FBXL4: variants seen among roughly 807,000 people sequenced by gnomAD.
FBXL4 encodes the protein F-box/LRR-repeat protein 4.
A neutral mutation model predicts 58.9 loss-of-function variants in FBXL4; 40 were observed. The ratio of observed to expected loss-of-function variants is 0.68; its 90% confidence interval spans 0.53 to 0.88. The LOEUF (loss-of-function observed/expected upper bound fraction) is 0.88. FBXL4 is among the 40% of genes least tolerant of loss of function. FBXL4 has a pLI of 0.00. For synonymous variants in FBXL4, 263 were observed against 265.5 expected (o/e 0.99, Z 0.09); for missense variants, 676 against 734.4 (o/e 0.92, Z 0.92).
At chr6:98,898,908 T>C in intron 7 of FBXL4, 3 of 985,414 alleles carry the variant, frequency 3.0e-6, no homozygotes, top group Non-Finnish European at 3.6e-6. Context: ...AATATCACTT[T>C]GCTTCCTCCC....
intron 7 of FBXL4, chr6:98,898,843 G>A (rs916052325): frequency 2.0e-6 from 2 of 985,204 alleles, no homozygotes; most frequent in South Asian, 9.4e-5. Flanking sequence ...CTTTTTAAAT[G>A]AGACTCATTA....
intron 2 of FBXL4, among the ~76,000 whole-genome samples, chr6:98,933,397 T>C (rs1341370576): frequency 6.6e-6 from 1 of 152,132 alleles, no homozygotes; most frequent in Non-Finnish European, 1.5e-5. Context: ...CCCTTCCCTT[T>C]CATGTCCACA....
chr6:98,945,438 TA>T (rs2128414903), intron 1 of FBXL4, among the ~76,000 whole-genome samples: 1 of 152,320 alleles, frequency 6.6e-6, no homozygotes, highest in East Asian at 1.9e-4. Flanking sequence ...TAGACTTAAA[TA>T]TATTTATTTT....
chr6:98,901,478 G>A (rs899211878), intron 6 of FBXL4, among the ~76,000 whole-genome samples: 3 of 152,212 alleles, frequency 2.0e-5, no homozygotes, highest in South Asian at 4.1e-4. Context: ...ACTGTTAGGA[G>A]ACAATAGGAA....
chr6:98,878,071 T>C (rs1425312813), intron 8 of FBXL4, among the ~76,000 whole-genome samples: 1 of 152,184 alleles, frequency 6.6e-6, no homozygotes, highest in Non-Finnish European at 1.5e-5. Flanking sequence ...ACACAACTAA[T>C]TTAGTATCTA....
chr6:98,899,916 G>A (rs917171747), intron 6 of FBXL4, among the ~76,000 whole-genome samples: 30 of 152,182 alleles, frequency 2.0e-4, no homozygotes, highest in African/African-American at 7.2e-4. Context: ...GCACACGAAA[G>A]TAACAACTTA....
chr6:98,918,301 G>T (rs899574463), intron 4 of FBXL4, among the ~76,000 whole-genome samples: 1 of 151,878 alleles, frequency 6.6e-6, no homozygotes, highest in Non-Finnish European at 1.5e-5. Context: ...TATATCCTTA[G>T]TATCTAGCAA....
chr6:98,895,787 T>C (rs1771388530), intron 7 of FBXL4, among the ~76,000 whole-genome samples: 1 of 152,198 alleles, frequency 6.6e-6, no homozygotes, highest in Admixed American at 6.5e-5. Context: ...TCAAAAGCTT[T>C]ATGCATTATG....
chr6:98,912,466 A>G (rs1772129597), intron 5 of FBXL4, among the ~76,000 whole-genome samples: 1 of 152,220 alleles, frequency 6.6e-6, no homozygotes, highest in African/African-American at 2.4e-5. Context: ...CATCAGACTA[A>G]CTGCTGACCT....
In FBXL4 at chr6:98,905,346, T is replaced by G. The variant is rs1021827724; in HGVS notation, c.1103+80A>C. The G allele has an allele frequency of 1.1e-5, 16 of 1,500,666 alleles. No individual in the cohort carries two copies. In the South Asian group the frequency reaches 2.0e-4, roughly 19 times the overall value. 93.0% of individuals were successfully genotyped at this position (1,500,666 alleles called of 1,614,324 possible). On this transcript the variant is annotated intron_variant, in intron 6 of 9. Transcript: ENST00000369244. ...AAGTACATGTTACATAATTTCAAACTTTTATTATGAAAACCACTACATAAT... is the reference window on the plus strand; with the variant it reads ...AAGTACATGTTACATAATTTCAAACGTTTATTATGAAAACCACTACATAAT...
intron 4 of FBXL4, among the ~76,000 whole-genome samples, chr6:98,921,247 T>C (rs927404539): frequency 6.6e-6 from 1 of 152,038 alleles, no homozygotes; most frequent in African/African-American, 2.4e-5. Context: ...AGAAACTTTC[T>C]CCAGGGCAAC....
chr6:98,915,717 T>C (rs1011198297), intron 5 of FBXL4, among the ~76,000 whole-genome samples: 79 of 152,232 alleles, frequency 5.2e-4, no homozygotes, highest in African/African-American at 1.8e-3. Flanking sequence ...CATAAAAACC[T>C]TAGAAGGAAA....
intron 4 of FBXL4, among the ~76,000 whole-genome samples, chr6:98,926,136 G>T (rs1562244876): frequency 6.6e-6 from 1 of 152,168 alleles, no homozygotes; most frequent in Non-Finnish European, 1.5e-5. Context: ...GTAGTAACAT[G>T]ATGCCTGTTT....
chr6:98,900,524 T>C (rs1014704485), intron 6 of FBXL4, among the ~76,000 whole-genome samples: 5 of 152,188 alleles, frequency 3.3e-5, no homozygotes, highest in Admixed American at 2.6e-4. Context: ...AGCAGAGACC[T>C]TGGAAAAGGC....
chr6:98,883,019 GCTCTT>G (rs1314154829), intron 7 of FBXL4, among the ~76,000 whole-genome samples: 3 of 151,966 alleles, frequency 2.0e-5, no homozygotes, highest in African/African-American at 7.2e-5. Context: ...TTGCAAAATA[GCTCTT>G]CTGAGTGCTT....
chr6:98,930,700 CG>C (rs1200714647), intron 2 of FBXL4, among the ~76,000 whole-genome samples: 2 of 151,958 alleles, frequency 1.3e-5, no homozygotes, highest in Non-Finnish European at 2.9e-5. Flanking sequence ...GAGTCATGAT[CG>C]TGTCACTGTA....
Position 98,910,742 on chromosome 6 carries a change from G to A in FBXL4, c.859-5072C>T, listed in dbSNP as rs181076674. Among the ~76,000 whole-genome samples, 129 of 152,244 alleles carry A rather than the reference G, an allele frequency of 8.5e-4. 1 individual carries two copies. The East Asian group carries it at 0.015, about 17-fold the overall frequency. On this transcript the variant is annotated intron_variant, in intron 5 of 9. Coordinates refer to ENST00000369244, the MANE Select transcript of FBXL4 (RefSeq NM_001278716.2). ...ACAGCTCGAGTCTATAGGTCCCAGC[G>A]TGAGCAACGCATTAGACGGGTGATT...
At chr6:98,900,593 C>T (rs184593233) in intron 6 of FBXL4, among the ~76,000 whole-genome samples, 1 of 151,778 alleles carries the variant, frequency 6.6e-6, no homozygotes, top group African/African-American at 2.4e-5. Context: ...TATGTAACAA[C>T]ATTCACCACA....
chr6:98,925,387 CT>C (rs1182491406), intron 4 of FBXL4, among the ~76,000 whole-genome samples: 1 of 151,922 alleles, frequency 6.6e-6, no homozygotes, highest in Non-Finnish European at 1.5e-5. Context: ...TTAAATGTAA[CT>C]AAGAATAAAT....
Sources: allele counts gnomAD v4.1 joint callset (sites outside exome capture counted in the v4.1 genomes callset), GRCh38; gene constraint gnomAD v4.1.1; transcripts MANE v1.5; gene names NCBI Gene and HGNC (gene_info 2026-07-23, HGNC 2026-07-21).